The following GRID2 variants were observed in gnomAD, a reference collection of about 807,000 sequenced individuals.
GRID2 encodes the protein glutamate receptor ionotropic, delta-2.
Under a neutral mutation model 114.8 loss-of-function variants are expected in GRID2, and 33 were observed. That is an observed-to-expected ratio of 0.29 (90% confidence interval 0.22 to 0.38). The LOEUF is 0.38. Ranked by LOEUF, GRID2 falls within the 10% of genes least tolerant of loss-of-function variation. GRID2 has a pLI of 1.00. For synonymous variants in GRID2, 505 were observed against 449.9 expected, an observed-to-expected ratio of 1.12 and a Z score of -1.55; for missense variants, 1,184 against 1,257.7, an observed-to-expected ratio of 0.94 and a Z score of 0.89.
At chr4:93,722,075 C>T (rs978591764) in intron 14 of GRID2, among the ~76,000 whole-genome samples, 7 of 151,722 alleles carry the variant, frequency 4.6e-5, no homozygotes, top group Non-Finnish European at 1.0e-4. Context: ...TCCACCACCA[C>T]GCCGGGCTAA....
At chr4:92,897,711 G>A (rs1226305593) in intron 2 of GRID2, among the ~76,000 whole-genome samples, 1 of 152,130 alleles carries the variant, frequency 6.6e-6, no homozygotes, top group Non-Finnish European at 1.5e-5. Flanking sequence ...AGTTTGGAGA[G>A]GCTTGGAAAT....
intron 2 of GRID2, among the ~76,000 whole-genome samples, chr4:92,913,119 T>C (rs945297109): frequency 1.3e-5 from 2 of 151,880 alleles, no homozygotes; most frequent in Non-Finnish European, 2.9e-5. Flanking sequence ...ATCTTGACTT[T>C]AAAATTTCTG....
At chr4:92,977,412 G>A (rs1753944280) in intron 2 of GRID2, among the ~76,000 whole-genome samples, 1 of 152,182 alleles carries the variant, frequency 6.6e-6, no homozygotes, top group Non-Finnish European at 1.5e-5. Context: ...TCAAGAAACA[G>A]AAGAGAAATT....
At chr4:92,387,142 A>G (rs1361765425) in intron 1 of GRID2, among the ~76,000 whole-genome samples, 2 of 151,926 alleles carry the variant, frequency 1.3e-5, no homozygotes, top group East Asian at 1.9e-4. Context: ...TACTAATGTA[A>G]TTCATGTAAA....
At chr4:92,434,885 C>A (rs879485892) in intron 1 of GRID2, among the ~76,000 whole-genome samples, 1 of 152,028 alleles carries the variant, frequency 6.6e-6, no homozygotes, top group Non-Finnish European at 1.5e-5. Context: ...CCCTATAATG[C>A]TGTAGAAAAT....
chr4:93,561,790 C>T (rs779539347), intron 13 of GRID2, among the ~76,000 whole-genome samples: 4 of 152,108 alleles, frequency 2.6e-5, no homozygotes, highest in Non-Finnish European at 4.4e-5. Flanking sequence ...AATTTAGCCT[C>T]TTGGGATTGG....
chr4:93,206,091 AATG>A (rs1742735075), intron 4 of GRID2, among the ~76,000 whole-genome samples: 1 of 151,926 alleles, frequency 6.6e-6, no homozygotes, highest in South Asian at 2.1e-4. Flanking sequence ...TAAAATTAAA[AATG>A]ATAATAATAA....
At chr4:92,513,549 A>G (rs547165244) in intron 1 of GRID2, among the ~76,000 whole-genome samples, 1 of 151,802 alleles carries the variant, frequency 6.6e-6, no homozygotes, top group African/African-American at 2.4e-5. Flanking sequence ...ACTGTATCCT[A>G]AGTTAGCTCC....
intron 14 of GRID2, among the ~76,000 whole-genome samples, chr4:93,718,919 A>G (rs1378978444): frequency 2.0e-5 from 3 of 152,186 alleles, no homozygotes; most frequent in Non-Finnish European, 4.4e-5. Flanking sequence ...ATTTCATAGA[A>G]GGTTATCCAA....
chr4:92,996,530 C>T (rs1015420463), intron 2 of GRID2, among the ~76,000 whole-genome samples: 7 of 152,102 alleles, frequency 4.6e-5, no homozygotes, highest in Non-Finnish European at 1.0e-4. Flanking sequence ...AACCTTAACA[C>T]TACAGTGTAC....
intron 4 of GRID2, among the ~76,000 whole-genome samples, chr4:93,195,400 T>C (rs1385401846): frequency 6.6e-6 from 1 of 152,174 alleles, no homozygotes; most frequent in Non-Finnish European, 1.5e-5. Context: ...GTGTGGAATA[T>C]ATCTCAGAAT....
intron 1 of GRID2, among the ~76,000 whole-genome samples, chr4:92,488,690 AG>A (rs1412104745): frequency 6.6e-6 from 1 of 152,160 alleles, no homozygotes; most frequent in Non-Finnish European, 1.5e-5. Flanking sequence ...ATGCTGAGGA[AG>A]GGTAAAAGAA....
At chr4:92,421,087 A>G (rs1731886691) in intron 1 of GRID2, among the ~76,000 whole-genome samples, 1 of 152,032 alleles carries the variant, frequency 6.6e-6, no homozygotes, top group South Asian at 2.1e-4. Flanking sequence ...TCCATCATTT[A>G]CTTTTTCATA....
chr4:92,441,027 G>T (rs1180547764), intron 1 of GRID2, among the ~76,000 whole-genome samples: 3 of 151,954 alleles, frequency 2.0e-5, no homozygotes, highest in African/African-American at 7.3e-5. Flanking sequence ...GCCTCTAAAA[G>T]TATTAAAGCA....
In GRID2 at chr4:93,772,971, C is replaced by A. The variant is rs905190070; in HGVS notation, c.*473C>A. 1.3e-5 allele frequency: 2 copies of A among 153,242 alleles called. No individual in the cohort carries two copies. Among genetic ancestry groups the A allele is most frequent in the Non-Finnish European group, 1.5e-5 (1 of 68,836 alleles). 9.5% of individuals were successfully genotyped at this position (153,242 alleles called of 1,614,324 possible). On this transcript the variant is annotated 3_prime_UTR_variant, in exon 16 of 16. Transcript: ENST00000282020. ...TGTTGAGTGTCCTTTAACTGTGGAC[C>A]AAAGGCAACCCCTGCAGTGTTTATA... is the stretch of plus-strand genomic sequence containing the variant.
intron 2 of GRID2, among the ~76,000 whole-genome samples, chr4:93,021,697 A>G (rs901075486): frequency 2.8e-5 from 4 of 145,270 alleles, no homozygotes; most frequent in African/African-American, 9.9e-5. Flanking sequence ...TAATATGTAT[A>G]TTATGAATAT....
At chr4:93,012,815 G>A (rs1353568660) in intron 2 of GRID2, among the ~76,000 whole-genome samples, 1 of 151,902 alleles carries the variant, frequency 6.6e-6, no homozygotes, top group Non-Finnish European at 1.5e-5. Context: ...AACTTACTCT[G>A]CAGAAATGAG....
At chr4:92,327,241 A>G (rs1027972295) in intron 1 of GRID2, among the ~76,000 whole-genome samples, 1 of 151,960 alleles carries the variant, frequency 6.6e-6, no homozygotes, top group African/African-American at 2.4e-5. Flanking sequence ...CCCTTTAAGT[A>G]TCTGTTCACT....
chr4:93,690,849 G>GT (rs1348671926), intron 14 of GRID2, among the ~76,000 whole-genome samples: 2 of 149,246 alleles, frequency 1.3e-5, no homozygotes, highest in Non-Finnish European at 1.5e-5. Context: ...ATAATATGTT[G>GT]TTTTATATAT....
Sources: allele counts gnomAD v4.1 joint callset (sites outside exome capture counted in the v4.1 genomes callset), GRCh38; gene constraint gnomAD v4.1.1; transcripts MANE v1.5; gene names NCBI Gene and HGNC (gene_info 2026-07-23, HGNC 2026-07-21).